STAU2: variants seen among roughly 807,000 people sequenced by gnomAD.
The protein encoded by STAU2 is staufen double-stranded RNA binding protein 2.
STAU2 carries 20 observed loss-of-function variants against 65.9 expected under a neutral mutation model. The observed-to-expected ratio is 0.30, with a 90% CI of 0.21 to 0.44. The LOEUF (loss-of-function observed/expected upper bound fraction) is 0.44. Among genes scored for constraint, STAU2 ranks in the 20% least tolerant of loss-of-function variants. STAU2 has a pLI of 1.00. For synonymous variants in STAU2, 232 were observed against 233.9 expected, an observed-to-expected ratio of 0.99 and a Z score of 0.07; for missense variants, 558 against 683.9, an observed-to-expected ratio of 0.82 and a Z score of 2.05.
chr8:73,447,875 C>T lies in STAU2; in HGVS notation c.1531-25173G>A, dbSNP rs375011497. On this transcript the variant is annotated intron_variant, in intron 13 of 14. Coordinates refer to ENST00000524300, the MANE Select transcript of STAU2 (RefSeq NM_001164380.2). ...GATTATCTAACATGAGAGGATCTAT[C>T]TTACCACCCTCTGGAAAGCGACAGC... Among the ~76,000 whole-genome samples, 182 of 152,316 alleles carry T rather than the reference C, an allele frequency of 1.2e-3. 3 individuals are homozygous for T. The South Asian group carries it at 0.037, about 31-fold the overall frequency.
chr8:73,672,407 G>A (rs1039605736), intron 6 of STAU2: 1 of 152,052 alleles, frequency 6.6e-6, no homozygotes. Context: ...TCTGTATCTC[G>A]ATCTGAGTGG....
chr8:73,746,352 G>A (rs948274029), intron 1 of STAU2, among the ~76,000 whole-genome samples: 5 of 149,190 alleles, frequency 3.4e-5, no homozygotes, highest in Non-Finnish European at 5.9e-5. Context: ...CAGCCACACC[G>A]TGGCTGCACT....
intron 11 of STAU2, among the ~76,000 whole-genome samples, chr8:73,594,860 C>G (rs993390950): frequency 6.6e-6 from 1 of 152,082 alleles, no homozygotes; most frequent in Non-Finnish European, 1.5e-5. Flanking sequence ...TCTTAAAAGG[C>G]ACAAATTAAG....
chr8:73,733,658 T>A (rs1026240482), intron 3 of STAU2, among the ~76,000 whole-genome samples: 1 of 151,908 alleles, frequency 6.6e-6, no homozygotes, highest in Non-Finnish European at 1.5e-5. Flanking sequence ...TAAAAAGAAA[T>A]AGATGACAGT....
In STAU2 at chr8:73,595,305, GATTAAAGAAATAA is replaced by G. The variant is rs1392846137; in HGVS notation, c.1030-21_1030-9del. Reference sequence around the variant, plus strand: ...TTCATTGCCTACCTTCACCTGATAAGATTAAAGAAATAAATTAAAGAAATACATTTATGATAAA... The same window carrying G: ...TTCATTGCCTACCTTCACCTGATAAGATTAAAGAAATACATTTATGATAAA... On this transcript the variant is annotated splice_polypyrimidine_tract_variant and intron_variant, in intron 10 of 14. Transcript: ENST00000524300. 34 of 1,568,968 alleles carry G rather than the reference GATTAAAGAAATAA, an allele frequency of 2.2e-5. 1 individual carries two copies. The highest frequency in any genetic ancestry group is 1.7e-4 in the Middle Eastern group (1 of 5,832).
upstream of STAU2, chr8:73,746,920 G>GCGCTCCCGC: frequency 1.0e-6 from 1 of 991,398 alleles, no homozygotes; most frequent in Non-Finnish European, 1.2e-6. Context: ...CGCCTCCCCG[G>GCGCTCCCGC]CGCTCCCGCC....
At chr8:73,444,664 T>C (rs1443954811) in intron 13 of STAU2, among the ~76,000 whole-genome samples, 2 of 152,210 alleles carry the variant, frequency 1.3e-5, no homozygotes, top group Admixed American at 6.5e-5. Context: ...TTAGGTCTTA[T>C]GTATCTCAGT....
At position 73,630,986 on chromosome 8, in the gene STAU2, G is replaced by A. The variant is rs539456785; in HGVS notation, c.411-13535C>T. The stretch of plus-strand genomic sequence containing the variant: ...GTGGCACCCCTAGTTTCCCATTAGC[G>A]CTTGTACCATACCCGGGAGAACATC... On this transcript the variant is annotated intron_variant, in intron 6 of 14. Transcript: ENST00000524300. Among the ~76,000 whole-genome samples the A allele has an allele frequency of 3.9e-5, 6 of 152,164 alleles. No individual in the cohort carries two copies. The East Asian group carries it at 9.6e-4, about 24-fold the overall frequency.
intron 13 of STAU2, among the ~76,000 whole-genome samples, chr8:73,482,856 T>A (rs933229309): frequency 2.4e-4 from 36 of 152,250 alleles, no homozygotes; most frequent in African/African-American, 8.7e-4. Context: ...AGCTACTGTG[T>A]ACTTACACCA....
At chr8:73,605,830 C>CACACAT (rs1183670556) in intron 9 of STAU2, among the ~76,000 whole-genome samples, 1 of 137,690 alleles carries the variant, frequency 7.3e-6, no homozygotes, top group Admixed American at 7.6e-5. Flanking sequence ...GATATATATA[C>CACACAT]ACACATACAC....
intron 13 of STAU2, among the ~76,000 whole-genome samples, chr8:73,488,309 T>C (rs143706285): frequency 0.025 from 3,733 of 152,142 alleles, 167 homozygotes; most frequent in African/African-American, 0.084. Context: ...CAGTTGTGAA[T>C]GTTCAAATAT....
At chr8:73,429,049 A>G (rs11776686) in intron 13 of STAU2, among the ~76,000 whole-genome samples, 66,032 of 151,892 alleles carry the variant, frequency 0.43, 14,682 homozygotes, top group Admixed American at 0.55. Flanking sequence ...TATGCTTAAA[A>G]GCTTCCAAGG....
chr8:73,449,104 G>C (rs573499450), intron 13 of STAU2, among the ~76,000 whole-genome samples: 1 of 152,348 alleles, frequency 6.6e-6, no homozygotes, highest in East Asian at 1.9e-4. Flanking sequence ...AGCGGCCTTC[G>C]AGCAGGGACC....
intron 13 of STAU2, among the ~76,000 whole-genome samples, chr8:73,536,685 A>G (rs1190107647): frequency 6.6e-6 from 1 of 152,088 alleles, no homozygotes; most frequent in African/African-American, 2.4e-5. Context: ...GTGTCAATAG[A>G]GGCATGGTGG....
chr8:73,485,616 C>G (rs1330334339), intron 13 of STAU2, among the ~76,000 whole-genome samples: 1 of 151,980 alleles, frequency 6.6e-6, no homozygotes, highest in Non-Finnish European at 1.5e-5. Context: ...TTTGGGAGGT[C>G]CAGGCATGTG....
intron 3 of STAU2, among the ~76,000 whole-genome samples, chr8:73,716,449 T>G (rs1017829725): frequency 6.6e-6 from 1 of 152,202 alleles, no homozygotes; most frequent in African/African-American, 2.4e-5. Flanking sequence ...AGAAAAATAA[T>G]GCTCAAGGAT....
At chr8:73,688,580 C>T in intron 5 of STAU2, 74 bp downstream of exon 5, 2 of 1,522,662 alleles carry the variant, frequency 1.3e-6, no homozygotes, top group Non-Finnish European at 1.8e-6. Flanking sequence ...CTGTTACTAG[C>T]CTACTATAAA....
At chr8:73,741,198 G>T (rs183208668) in intron 1 of STAU2, among the ~76,000 whole-genome samples, 27 of 149,172 alleles carry the variant, frequency 1.8e-4, no homozygotes, top group Admixed American at 1.2e-3. Context: ...CCAGCTACTC[G>T]GGAGGCTGAG....
chr8:73,647,596 T>C (rs1171490905), intron 6 of STAU2, among the ~76,000 whole-genome samples: 8 of 151,882 alleles, frequency 5.3e-5, no homozygotes, highest in African/African-American at 1.9e-4. Context: ...TTTTTTTTTT[T>C]TGGAGACAGT....
Sources: allele counts gnomAD v4.1 joint callset (sites outside exome capture counted in the v4.1 genomes callset), GRCh38; gene constraint gnomAD v4.1.1; transcripts MANE v1.5; gene names NCBI Gene and HGNC (gene_info 2026-07-23, HGNC 2026-07-21).